Variants in KIF21A observed in about 807,000 individuals in gnomAD.
KIF21A encodes kinesin-like protein KIF21A.
Under a neutral mutation model 202.9 loss-of-function variants are expected in KIF21A, and 114 were observed. The observed-to-expected ratio is 0.56, with a 90% CI of 0.48 to 0.66. The LOEUF is 0.66. KIF21A is among the 30% of genes least tolerant of loss of function. The probability of loss-of-function intolerance (pLI) is 0.00; values close to 1 mark genes in which losing one functional copy is unlikely to be tolerated. For missense variants in KIF21A, 1,677 were observed against 1,994.9 expected, an observed-to-expected ratio of 0.84 and a Z score of 3.04; for synonymous variants, 667 against 670.8, an observed-to-expected ratio of 0.99 and a Z score of 0.09.
chr12:39,387,161 T>TACACACACAC lies in KIF21A; in HGVS notation c.45-16910_45-16901dup, dbSNP rs3036323. Among the ~76,000 whole-genome samples, 832 of 138,234 alleles carry TACACACACAC rather than the reference T, an allele frequency of 6.0e-3. 12 individuals carry two copies. Among genetic ancestry groups the TACACACACAC allele is most frequent in the African/African-American group, 0.018 (667 of 36,942 alleles). 90.7% of individuals were successfully genotyped at this position (138,234 alleles called of 152,430 possible). A position where few individuals can be genotyped will look rare whatever the true frequency, so the allele number is the denominator to read the frequency against. ...TGAGTTTTTGAAAGCATGCAGTAGTTACACACACACACACACACACACACA... is the reference window on the plus strand; with the variant it reads ...TGAGTTTTTGAAAGCATGCAGTAGTTACACACACACACACACACACACACACACACACACA... On this transcript the variant is annotated intron_variant, in intron 1 of 37. Transcript: ENST00000361418.
intron 11 of KIF21A, among the ~76,000 whole-genome samples, chr12:39,349,646 A>G (rs1456213576): frequency 6.6e-6 from 1 of 152,246 alleles, no homozygotes; most frequent in Non-Finnish European, 1.5e-5. Context: ...TTTTAAAAAT[A>G]GAAATTGGCA....
At chr12:39,368,574 T>C (rs941539781) in intron 3 of KIF21A, among the ~76,000 whole-genome samples, 2 of 152,114 alleles carry the variant, frequency 1.3e-5, no homozygotes, top group African/African-American at 4.8e-5. Flanking sequence ...TTTCTATCAA[T>C]ATGTTTTAAA....
intron 15 of KIF21A, 26 bp downstream of exon 15, chr12:39,340,880 T>C (rs1312590211): frequency 1.3e-6 from 2 of 1,528,002 alleles, no homozygotes; most frequent in East Asian, 4.5e-5. Flanking sequence ...GCTTGAACTT[T>C]CATTTGAATT....
At chr12:39,359,231 T>G (rs1419202298) in intron 7 of KIF21A, among the ~76,000 whole-genome samples, 1 of 152,158 alleles carries the variant, frequency 6.6e-6, no homozygotes, top group Non-Finnish European at 1.5e-5. Flanking sequence ...ATTCCACACC[T>G]TTTTCCTACA....
At chr12:39,401,760 A>C (rs1283709343) in intron 1 of KIF21A, among the ~76,000 whole-genome samples, 1 of 152,198 alleles carries the variant, frequency 6.6e-6, no homozygotes, top group African/African-American at 2.4e-5. Flanking sequence ...TTTCAAGAAA[A>C]AGTATTTTGC....
rs1945614588 is a variant in KIF21A at position 39,324,262 on chromosome 12, G to A, written c.3457-1380C>T. 2.0e-5 allele frequency among the ~76,000 whole-genome samples: 3 copies of A among 152,276 alleles called. No homozygotes were observed. The South Asian group carries it at 6.2e-4, about 32-fold the overall frequency. On this transcript the variant is annotated intron_variant, in intron 26 of 37. Coordinates refer to ENST00000361418, the MANE Select transcript of KIF21A (RefSeq NM_001173464.2). ...TCTCCACAGCCAAGAACCTAGAGCAGAGATGAAATTTTTCTTGGGAATTCT... is the reference window on the plus strand; with the variant it reads ...TCTCCACAGCCAAGAACCTAGAGCAAAGATGAAATTTTTCTTGGGAATTCT...
chr12:39,363,154 G>A lies in KIF21A; in HGVS notation c.963C>T (p.Val321=), dbSNP rs776183663. 3.7e-6 allele frequency: 6 copies of A among 1,613,384 alleles called. No individual in the cohort carries two copies. The highest frequency in any genetic ancestry group is 5.1e-6 in the Non-Finnish European group (6 of 1,179,508). ...LGDKSKRATH[V]PYRDSKLTRL... The stretch of plus-strand genomic sequence containing the variant: ...TTGTTAGCTTGGAATCTCTATAGGG[G>A]ACATGTGTGGCCCTCTTGCTCTTGT... Residue 321 remains valine, a synonymous_variant, in exon 7 of 38, where the codon GTC becomes GTT. Coordinates refer to ENST00000361418, the MANE Select transcript of KIF21A (RefSeq NM_001173464.2).
rs199996160 is a variant in KIF21A, at chr12:39,301,468, A to G, written c.4931+12T>C. 1.3e-5 allele frequency: 21 copies of G among 1,607,898 alleles called. No homozygotes were observed. In the East Asian group the frequency reaches 4.0e-4, roughly 31 times the overall value. ...CAACCAATATAGAGAAAAATCATATAAGAAAACTTACTCAGCTGCAGTAAA... is the reference window on the plus strand; with the variant it reads ...CAACCAATATAGAGAAAAATCATATGAGAAAACTTACTCAGCTGCAGTAAA... On this transcript the variant is annotated intron_variant, in intron 37 of 37. Coordinates refer to ENST00000361418, the MANE Select transcript of KIF21A (RefSeq NM_001173464.2).
At position 39,332,221 on chromosome 12, in the gene KIF21A, T is replaced by G; in HGVS notation, c.3044A>C (p.Glu1015Ala). 6.2e-7 allele frequency: 1 copy of G among 1,613,652 alleles called. No homozygotes were observed. Among genetic ancestry groups the G allele is most frequent in the Non-Finnish European group, 8.5e-7 (1 of 1,179,772 alleles). Reference sequence around the variant, plus strand: ...TTTTTAAAAATTACAAACCTTTGCTTCTTCCATCTGCATTATGTTGGCCTG... The same window carrying G: ...TTTTTAAAAATTACAAACCTTTGCTGCTTCCATCTGCATTATGTTGGCCTG... ...DCQANIMQMEEAKEEGETLDV... is the reference protein window; with the variant it reads ...DCQANIMQMEAAKEEGETLDV... The change falls in exon 21 of 38, where the codon GAA (glutamate) becomes GCA (alanine). Residue 1015 changes from glutamate (E) to alanine (A), a missense_variant. Coordinates refer to ENST00000361418, the MANE Select transcript of KIF21A (RefSeq NM_001173464.2).
chr12:39,358,283 A>G lies in KIF21A; in HGVS notation c.1110T>C (p.Asn370=). The G allele has an allele frequency of 6.2e-7, 1 of 1,614,072 alleles. No individual in the cohort carries two copies. ...NTLKYANRAR[N]IKNKVMVNQD... ...GATTGACCATCACCTTATTCTTGAT[A>G]TTTCTAGCTCGATTGGCGTATTTCA... Residue 370 remains asparagine (N), a synonymous_variant, in exon 8 of 38, where the codon AAT becomes AAC. Coordinates refer to ENST00000361418, the MANE Select transcript of KIF21A (RefSeq NM_001173464.2).
intron 1 of KIF21A, among the ~76,000 whole-genome samples, chr12:39,408,939 C>T (rs1002691029): frequency 2.0e-5 from 3 of 151,908 alleles, no homozygotes; most frequent in East Asian, 3.9e-4. Context: ...CCCACCTCAA[C>T]TTATTGAGTA....
At chr12:39,318,823 A>T (rs996945659) in intron 28 of KIF21A, among the ~76,000 whole-genome samples, 2 of 152,164 alleles carry the variant, frequency 1.3e-5, no homozygotes, top group Non-Finnish European at 2.9e-5. Flanking sequence ...TACTAAAAAT[A>T]CAAAAAAATT....
intron 37 of KIF21A, among the ~76,000 whole-genome samples, chr12:39,296,025 TAAAA>T (rs34017775): frequency 4.1e-4 from 36 of 86,782 alleles, no homozygotes; most frequent in African/African-American, 1.7e-3. Flanking sequence ...GTTTGTTTGT[TAAAA>T]AAAAAAAAAA....
chr12:39,411,509 A>C (rs1953074846), intron 1 of KIF21A, among the ~76,000 whole-genome samples: 1 of 152,176 alleles, frequency 6.6e-6, no homozygotes, highest in South Asian at 2.1e-4. Flanking sequence ...TTGATTTAAA[A>C]ATATAACACG....
At chr12:39,429,262 C>A (rs563735996) in intron 1 of KIF21A, among the ~76,000 whole-genome samples, 5 of 152,186 alleles carry the variant, frequency 3.3e-5, no homozygotes, top group Non-Finnish European at 5.9e-5. Flanking sequence ...CAACAGAGAA[C>A]AAAGATTAAG....
chr12:39,344,561 C>T (rs1367898613), intron 12 of KIF21A, among the ~76,000 whole-genome samples: 1 of 152,196 alleles, frequency 6.6e-6, no homozygotes, highest in African/African-American at 2.4e-5. Context: ...TTTGACCCAA[C>T]ATATCGTTCT....
At chr12:39,305,210 A>AC (rs2137207159) in intron 34 of KIF21A, among the ~76,000 whole-genome samples, 1 of 151,936 alleles carries the variant, frequency 6.6e-6, no homozygotes, top group South Asian at 2.1e-4. Context: ...TACTAAAAAT[A>AC]TAAAAATTAG....
intron 7 of KIF21A, among the ~76,000 whole-genome samples, chr12:39,359,100 T>C (rs1027291854): frequency 6.6e-6 from 1 of 152,202 alleles, no homozygotes; most frequent in Non-Finnish European, 1.5e-5. Context: ...AGGAGCAGTC[T>C]ACTTATCCTG....
chr12:39,380,613 C>A (rs892041702), intron 1 of KIF21A, among the ~76,000 whole-genome samples: 1 of 151,900 alleles, frequency 6.6e-6, no homozygotes, highest in Non-Finnish European at 1.5e-5. Context: ...CCCAGCTACT[C>A]AGGAGGCTGA....
Sources: gnomAD v4.1 joint callset for allele counts (sites outside exome capture counted in the v4.1 genomes callset) on GRCh38, gnomAD v4.1.1 for gene constraint, MANE v1.5 for transcripts, NCBI Gene and HGNC (gene_info 2026-07-23, HGNC 2026-07-21) for gene names.